Variants in ISY1 observed in about 807,000 individuals in gnomAD.
ISY1 encodes pre-mRNA-splicing factor ISY1 homolog.
ISY1 carries 12 observed loss-of-function variants against 54.4 expected under a neutral mutation model. The observed-to-expected ratio is 0.22, with a 90% CI of 0.14 to 0.36. The LOEUF (loss-of-function observed/expected upper bound fraction) is 0.36. Among genes scored for constraint, ISY1 ranks in the 10% least tolerant of loss-of-function variants. The pLI is 1.00. For missense variants in ISY1, 282 were observed against 342.2 expected, an observed-to-expected ratio of 0.82 and a Z score of 1.39; for synonymous variants, 96 against 117.9, an observed-to-expected ratio of 0.81 and a Z score of 1.20.
intron 7 of ISY1, chr3:129,137,240 A>T (rs1466574944): frequency 1.0e-6 from 1 of 979,644 alleles, no homozygotes; most frequent in Non-Finnish European, 1.2e-6. Flanking sequence ...GGAACATACC[A>T]AACAGATAAT....
intron 5 of ISY1, among the ~76,000 whole-genome samples, chr3:129,155,517 C>G (rs547821440): frequency 3.9e-5 from 6 of 151,920 alleles, no homozygotes; most frequent in Admixed American, 3.9e-4. Context: ...TTTATCTAAG[C>G]ACTATATCCC....
At chr3:129,140,600 G>T (rs781120818) in intron 6 of ISY1, 115 bp from the exon 7 acceptor site, 36 of 1,166,350 alleles carry the variant, frequency 3.1e-5, no homozygotes, top group Non-Finnish European at 3.9e-5. Flanking sequence ...ATTTGAGGTG[G>T]AGTCTCGCTC....
chr3:129,160,918 G>GGCCCCGGGGGGGGGGGGGGCC, intron 1 of ISY1, 55 bp downstream of exon 1: 1 of 666,128 alleles, frequency 1.5e-6, no homozygotes, highest in Non-Finnish European at 2.7e-6. Context: ...TGGACTGGGC[G>GGCCCCGGGGGGGGGGGGGGCC]CCCCCCCGCC....
chr3:129,160,918 G>GCCC, intron 1 of ISY1, 55 bp downstream of exon 1: 1 of 666,128 alleles, frequency 1.5e-6, no homozygotes. Context: ...TGGACTGGGC[G>GCCC]CCCCCCCGCC....
intron 7 of ISY1, 92 bp from the exon 8 acceptor site, chr3:129,135,046 A>G (rs1400359341): frequency 2.1e-6 from 3 of 1,444,880 alleles, no homozygotes; most frequent in Admixed American, 2.3e-5. Flanking sequence ...CACACGTGGC[A>G]CGTATGTTCA....
intron 2 of ISY1, 132 bp downstream of exon 2, chr3:129,159,022 G>C (rs1395624671): frequency 3.3e-6 from 4 of 1,194,040 alleles, no homozygotes; most frequent in African/African-American, 3.1e-5. Flanking sequence ...GCATATGTAA[G>C]AACATAACAT....
At chr3:129,142,485 T>C (rs1350390265) in intron 6 of ISY1, among the ~76,000 whole-genome samples, 3 of 152,060 alleles carry the variant, frequency 2.0e-5, no homozygotes, top group Non-Finnish European at 2.9e-5. Context: ...AAAAAATAAA[T>C]CTCAAGGTAC....
At chr3:129,137,482 C>A (rs895257900) in intron 7 of ISY1, among the ~76,000 whole-genome samples, 1 of 151,996 alleles carries the variant, frequency 6.6e-6, no homozygotes, top group Non-Finnish European at 1.5e-5. Context: ...ATGCAAAAAA[C>A]CTAACATATA....
chr3:129,152,198 C>T (rs1936992379), intron 5 of ISY1, among the ~76,000 whole-genome samples: 1 of 151,966 alleles, frequency 6.6e-6, no homozygotes, highest in Non-Finnish European at 1.5e-5. Context: ...GTAAAAAGTT[C>T]CCTTTTATTC....
At chr3:129,137,356 T>C (rs553190976) in intron 7 of ISY1, among the ~76,000 whole-genome samples, 3 of 152,330 alleles carry the variant, frequency 2.0e-5, no homozygotes, top group South Asian at 2.1e-4. Context: ...AATTCACTTA[T>C]GCATTTTCTT....
intron 5 of ISY1, among the ~76,000 whole-genome samples, chr3:129,151,922 G>A (rs1936983767): frequency 6.6e-6 from 1 of 152,110 alleles, no homozygotes. Context: ...TCTTAGGGAG[G>A]CCAAGGTGGG....
intron 2 of ISY1, 76 bp downstream of exon 2, chr3:129,159,076 AAG>A (rs1332209336): frequency 6.4e-7 from 1 of 1,553,188 alleles, no homozygotes; most frequent in Non-Finnish European, 8.7e-7. Context: ...AGATACCAAA[AAG>A]AGGAAATACA....
chr3:129,130,778 C>T, intron 9 of ISY1, 142 bp from the exon 10 acceptor site: 1 of 852,042 alleles, frequency 1.2e-6, no homozygotes. Flanking sequence ...ACACTTGACC[C>T]ACAAGATTAA....
chr3:129,148,806 T>C (rs1043186413), intron 5 of ISY1, among the ~76,000 whole-genome samples: 1 of 151,944 alleles, frequency 6.6e-6, no homozygotes, highest in Non-Finnish European at 1.5e-5. Context: ...TGGCCTCAAG[T>C]GATCCACCCA....
Position 129,135,760 on chromosome 3 carries a change from C to T in ISY1, c.419-806G>A, listed in dbSNP as rs549894316. Among the ~76,000 whole-genome samples, 18 of 143,034 alleles carry T rather than the reference C, an allele frequency of 1.3e-4. No homozygotes were observed. In the East Asian group the frequency reaches 3.5e-3, roughly 28 times the overall value. The allele number at this position is 143,034 out of a possible 152,430, so 93.8% of individuals were successfully genotyped here. A position where few individuals can be genotyped will look rare whatever the true frequency, so the allele number is the denominator to read the frequency against. The stretch of plus-strand genomic sequence containing the variant: ...CAGCCTGGGCGACAGAGCGAGACTC[C>T]ATCTCAAAAAAAAAAAAACAAAAAC... On this transcript the variant is annotated intron_variant, in intron 7 of 10. Coordinates refer to ENST00000393295, the MANE Select transcript of ISY1 (RefSeq NM_020701.4).
At chr3:129,154,423 G>C (rs1388788176) in intron 5 of ISY1, among the ~76,000 whole-genome samples, 2 of 102,774 alleles carry the variant, frequency 1.9e-5, no homozygotes, top group African/African-American at 4.0e-5. Flanking sequence ...CTGGGTGACA[G>C]AGCAAGACTC....
At chr3:129,147,965 C>A (rs1454557231) in intron 5 of ISY1, among the ~76,000 whole-genome samples, 1 of 151,470 alleles carries the variant, frequency 6.6e-6, no homozygotes, top group East Asian at 1.9e-4. Flanking sequence ...ATTTATTCAT[C>A]GATATGTTTT....
chr3:129,145,768 T>A lies in ISY1; in HGVS notation c.293A>T (p.Asp98Val), dbSNP rs1936750179. The change falls in exon 6 of 11, where the codon GAT (aspartate) becomes GTT (valine). Residue 98 changes from aspartate (D) to valine (V), a missense_variant. Around this residue, in one of 2 missense-constraint regions of ISY1, gnomAD observed 279 missense variants for 323.6 expected, o/e 0.86. Transcript: ENST00000393295. ...GGGCTGCCATGTACTCACTCCATAA[T>A]CAGGACCTCCCAGCTCCTTTATCCG... ...EVRIKELGGP[D>V]YGKVGPKMLD... 1 of 1,614,042 alleles carries A rather than the reference T, an allele frequency of 6.2e-7. No homozygotes were observed. The highest frequency in any genetic ancestry group is 8.5e-7 in the Non-Finnish European group (1 of 1,179,936).
chr3:129,148,927 T>A (rs1936851936), intron 5 of ISY1, among the ~76,000 whole-genome samples: 1 of 152,178 alleles, frequency 6.6e-6, no homozygotes, highest in Non-Finnish European at 1.5e-5. Flanking sequence ...TAAAACAAAT[T>A]ATATTTTCTA....
Sources: gnomAD v4.1 joint callset for allele counts (sites outside exome capture counted in the v4.1 genomes callset) on GRCh38, gnomAD v4.1.1 for gene constraint, gnomAD v4.1.1 regional missense constraint, MANE v1.5 for transcripts, NCBI Gene and HGNC (gene_info 2026-07-23, HGNC 2026-07-21) for gene names.